The following SHC2 variants were observed in gnomAD, a reference collection of about 807,000 sequenced individuals.
SHC2 encodes SHC adaptor protein 2.
A neutral mutation model predicts 60.6 loss-of-function variants in SHC2; 62 were observed. The observed-to-expected ratio is 1.02, with a 90% CI of 0.83 to 1.26. The LOEUF is 1.26. SHC2 is among the 50% of genes most tolerant of loss of function. The pLI is 0.00. For missense variants in SHC2, 873 were observed against 822.2 expected (o/e 1.06, Z -0.76); for synonymous variants, 375 against 372.4 (o/e 1.01, Z -0.08).
At chr19:443,208 G>A (rs894634510) in intron 1 of SHC2, among the ~76,000 whole-genome samples, 24 of 151,068 alleles carry the variant, frequency 1.6e-4, no homozygotes, top group South Asian at 4.2e-4. Context: ...GTGGGTAGAT[G>A]AGTGGATGGG....
chr19:458,410 G>A (rs1284553169), intron 1 of SHC2, among the ~76,000 whole-genome samples: 3 of 134,270 alleles, frequency 2.2e-5, no homozygotes, highest in African/African-American at 8.3e-5. Flanking sequence ...GGAGGCGGAA[G>A]CGGGTCCTGG....
rs545612117 is a variant in SHC2, at chr19:450,051, C to T, written c.469-9119G>A. ...AGGACGCCCCTCCCACTGGCCACAG[C>T]CCCCGTCAGTGCCCCTGGCCATGGC... is the stretch of plus-strand genomic sequence containing the variant. On this transcript the variant is annotated intron_variant, in intron 1 of 12. Transcript: ENST00000264554. 1.2e-3 allele frequency among the ~76,000 whole-genome samples: 182 copies of T among 152,342 alleles called. 1 individual carries two copies. Among genetic ancestry groups the T allele is most frequent in the Admixed American group, 0.01 (157 of 15,300 alleles).
Position 441,068 on chromosome 19 carries a change from C to A in SHC2, c.469-136G>T. On this transcript the variant is annotated intron_variant, in intron 1 of 12. Coordinates refer to ENST00000264554, the MANE Select transcript of SHC2 (RefSeq NM_012435.3). The surrounding 1 kb of genome is among the most constrained non-coding windows in gnomAD (Gnocchi z 4.9). ...CCTCTGTCCCTGGTGGCTCTGGGGC[C>A]GTCGTGCCTCCCCCACCTCAAGGCC... The A allele has an allele frequency of 6.7e-7, 1 of 1,489,544 alleles. No homozygotes were observed. The highest frequency in any genetic ancestry group is 9.0e-7 in the Non-Finnish European group (1 of 1,108,626). The allele number at this position is 1,489,544 out of a possible 1,614,324, so 92.3% of individuals were successfully genotyped here.
At chr19:456,277 T>C (rs1975340674) in intron 1 of SHC2, among the ~76,000 whole-genome samples, 1 of 152,124 alleles carries the variant, frequency 6.6e-6, no homozygotes, top group Non-Finnish European at 1.5e-5. Flanking sequence ...CCTGCTGTGA[T>C]GTAGGTGCTG....
chr19:450,306 G>A (rs1391683053), intron 1 of SHC2, among the ~76,000 whole-genome samples: 1 of 152,244 alleles, frequency 6.6e-6, no homozygotes, highest in African/African-American at 2.4e-5. Flanking sequence ...TGACGCAAGA[G>A]AGTGGCGCGT....
intron 1 of SHC2, among the ~76,000 whole-genome samples, chr19:450,370 A>T (rs946557878): frequency 6.6e-6 from 1 of 152,104 alleles, no homozygotes; most frequent in Non-Finnish European, 1.5e-5. Flanking sequence ...TAAAATTTAG[A>T]GTTTTGACTG....
At chr19:455,795 C>T (rs979582088) in intron 1 of SHC2, among the ~76,000 whole-genome samples, 4 of 152,146 alleles carry the variant, frequency 2.6e-5, no homozygotes, top group East Asian at 3.9e-4. Context: ...CCCTTCCTCC[C>T]GGTTAGCAGC....
intron 11 of SHC2, among the ~76,000 whole-genome samples, chr19:420,212 G>A (rs1215962035): frequency 6.6e-6 from 1 of 152,150 alleles, no homozygotes; most frequent in Non-Finnish European, 1.5e-5. Flanking sequence ...GCAGTGGCGG[G>A]GACACCAGAA....
intron 11 of SHC2, among the ~76,000 whole-genome samples, chr19:421,101 A>G (rs1359078538): frequency 6.7e-6 from 1 of 149,566 alleles, no homozygotes; most frequent in African/African-American, 2.5e-5. Context: ...AGAGAGAGAA[A>G]AGAGTAAGAA....
chr19:451,036 G>A (rs1332627337), intron 1 of SHC2, among the ~76,000 whole-genome samples: 47 of 136,474 alleles, frequency 3.4e-4, no homozygotes, highest in African/African-American at 1.4e-3. Context: ...GCCACGCCGT[G>A]GCCACATCAT....
At chr19:449,475 C>T (rs1205033168) in intron 1 of SHC2, among the ~76,000 whole-genome samples, 2 of 152,158 alleles carry the variant, frequency 1.3e-5, no homozygotes, top group Non-Finnish European at 2.9e-5. Context: ...AAAATGTGAT[C>T]GCAGGATTGT....
chr19:426,948 G>C (rs1974431318), intron 9 of SHC2, among the ~76,000 whole-genome samples: 1 of 152,206 alleles, frequency 6.6e-6, no homozygotes, highest in African/African-American at 2.4e-5. Context: ...ATTTGTAGGA[G>C]TTCTTGGCCA....
chr19:425,136 C>CG lies in SHC2; in HGVS notation c.1269dup (p.Glu424ArgfsTer12). On this transcript the variant is annotated frameshift_variant, in exon 10 of 13. Transcript: ENST00000264554. LOFTEE classifies it high-confidence loss of function. The surrounding 1 kb of genome is among the most constrained non-coding windows in gnomAD (Gnocchi z 4.1). ...TCCTTTTTGGGGCTGTCCTCCGGCT[C>CG]GGGGGCGTCCAGACCCTGGGTGTTG... 7.2e-7 allele frequency: 1 copy of CG among 1,398,416 alleles called. No individual in the cohort carries two copies. The highest frequency in any genetic ancestry group is 9.4e-7 in the Non-Finnish European group (1 of 1,068,056). The allele number at this position is 1,398,416 out of a possible 1,614,324, so 86.6% of individuals were successfully genotyped here. A position where few individuals can be genotyped will look rare whatever the true frequency, so the allele number is the denominator to read the frequency against.
chr19:419,885 G>A (rs1243808726), intron 11 of SHC2: 1 of 152,276 alleles, frequency 6.6e-6, no homozygotes, highest in South Asian at 2.1e-4. Flanking sequence ...GAGGCTGGGG[G>A]CCCTGTGCAC....
In SHC2 at chr19:460,905, C is replaced by T. The variant is rs1454052600; in HGVS notation, c.92G>A (p.Arg31Gln). 1.0e-6 allele frequency: 1 copy of T among 990,662 alleles called. No individual in the cohort carries two copies. The highest frequency in any genetic ancestry group is 4.4e-5 in the South Asian group (1 of 22,682). 61.4% of individuals were successfully genotyped at this position (990,662 alleles called of 1,614,324 possible). ...APTTFCALLP[R>Q]MPQWKFAAPG... ...GGCCGCGAACTTCCACTGCGGCATT[C>T]GGGGCAGCAACGCGCAGAAGGTGGT... Residue 31 changes from arginine (R) to glutamine (Q), a missense_variant, in exon 1 of 13, where the codon CGA becomes CAA. Coordinates refer to ENST00000264554, the MANE Select transcript of SHC2 (RefSeq NM_012435.3).
Position 456,254 on chromosome 19 carries a change from G to A in SHC2, c.468+4275C>T, listed in dbSNP as rs187564974. ...AGCTTCCCTGTGACCAGGAGGGACC[G>A]GCTGTCCCTGTGCCTGCTGTGATGT... On this transcript the variant is annotated intron_variant, in intron 1 of 12. Transcript: ENST00000264554. Among the ~76,000 whole-genome samples, 100 of 152,276 alleles carry A rather than the reference G, an allele frequency of 6.6e-4. No individual in the cohort carries two copies. The Middle Eastern group carries it at 0.017, about 26-fold the overall frequency.
At chr19:437,277 C>T (rs11673529) in intron 4 of SHC2, among the ~76,000 whole-genome samples, 8 of 147,294 alleles carry the variant, frequency 5.4e-5, no homozygotes, top group Non-Finnish European at 1.0e-4. Context: ...TCTGCGTGCT[C>T]GTCTGTGTGC....
chr19:457,085 CCCA>C (rs572804909), intron 1 of SHC2, among the ~76,000 whole-genome samples: 1 of 135,424 alleles, frequency 7.4e-6, no homozygotes, highest in Non-Finnish European at 1.6e-5. Context: ...GTCTGCAAAC[CCCA>C]CCACATCAGG....
In SHC2 at chr19:446,469, C is replaced by G. The variant is rs1263539908; in HGVS notation, c.469-5537G>C. On this transcript the variant is annotated intron_variant, in intron 1 of 12. Transcript: ENST00000264554. The surrounding 1 kb of genome is among the most constrained non-coding windows in gnomAD (Gnocchi z 5.4). ...GGGATTACAGGCGCCCACTACCACG[C>G]CCGGCTAATTTTTGTATTTTTAGTA... 6.6e-6 allele frequency among the ~76,000 whole-genome samples: 1 copy of G among 152,056 alleles called. No individual in the cohort carries two copies. The highest frequency in any genetic ancestry group is 1.9e-4 in the East Asian group (1 of 5,178).
Sources: allele counts gnomAD v4.1 joint callset (sites outside exome capture counted in the v4.1 genomes callset), GRCh38; gene constraint gnomAD v4.1.1; non-coding constraint Gnocchi (gnomAD v3.1); transcripts MANE v1.5; gene names NCBI Gene and HGNC (gene_info 2026-07-23, HGNC 2026-07-21).